The following STRN variants were observed in gnomAD, a reference collection of about 807,000 sequenced individuals.
STRN encodes striatin.
In STRN, 53 loss-of-function variants were observed where a neutral mutation model predicts 96.3. That is an observed-to-expected ratio of 0.55 (90% CI 0.44 to 0.69). STRN has a LOEUF of 0.69. Ranked by LOEUF, STRN falls within the 30% of genes least tolerant of loss-of-function variation. The probability of loss-of-function intolerance (pLI) is 0.00; values close to 1 mark genes in which losing one functional copy is unlikely to be tolerated. For synonymous variants in STRN, 428 were observed against 355.9 expected, an observed-to-expected ratio of 1.20 and a Z score of -2.28; for missense variants, 987 against 963.9, an observed-to-expected ratio of 1.02 and a Z score of -0.32.
chr2:36,875,220 T>C (rs1426455532), intron 10 of STRN, among the ~76,000 whole-genome samples: 2 of 152,144 alleles, frequency 1.3e-5, no homozygotes, highest in South Asian at 2.1e-4. Context: ...TAAAAAATAA[T>C]CTACCCCAGC....
chr2:36,917,051 AT>A (rs61674474), intron 2 of STRN, among the ~76,000 whole-genome samples: 12,098 of 145,446 alleles, frequency 0.083, 1,431 homozygotes, highest in African/African-American at 0.26. Flanking sequence ...CAATAAAAAA[AT>A]AAAAAATAAA....
chr2:36,907,739 C>G (rs1669861553), intron 3 of STRN, among the ~76,000 whole-genome samples: 1 of 152,090 alleles, frequency 6.6e-6, no homozygotes, highest in African/African-American at 2.4e-5. Context: ...ATTTCTGTTT[C>G]ACTCCAGAGC....
chr2:36,928,286 G>A (rs1335567473), intron 1 of STRN, among the ~76,000 whole-genome samples: 2 of 152,092 alleles, frequency 1.3e-5, no homozygotes, highest in South Asian at 2.1e-4. Flanking sequence ...GAGGAAGGGC[G>A]AGGGTGAGAG....
chr2:36,927,528 G>GA (rs1484621769), intron 1 of STRN, among the ~76,000 whole-genome samples: 1 of 145,996 alleles, frequency 6.8e-6, no homozygotes, highest in African/African-American at 2.5e-5. Context: ...AAAAAAAGGG[G>GA]GGGGGGGGTG....
At chr2:36,952,755 A>G (rs1192836418) in intron 1 of STRN, among the ~76,000 whole-genome samples, 2 of 152,212 alleles carry the variant, frequency 1.3e-5, no homozygotes, top group Non-Finnish European at 2.9e-5. Context: ...TACTAGGGCC[A>G]TGGATACCTT....
intron 9 of STRN, among the ~76,000 whole-genome samples, chr2:36,879,114 A>C (rs963699782): frequency 6.6e-6 from 1 of 151,768 alleles, no homozygotes; most frequent in East Asian, 1.9e-4. Flanking sequence ...TCTATGGCCC[A>C]GGCTGGAGTG....
chr2:36,880,999 GAACTTAAGACTATAGGTCACGT>G, intron 9 of STRN, among the ~76,000 whole-genome samples: 5 of 151,480 alleles, frequency 3.3e-5, no homozygotes, highest in Admixed American at 3.3e-4. Flanking sequence ...AGGAGCCTTA[GAACTTAAGACTATAGGTCACGT>G]TTCCATCTGG....
intron 1 of STRN, among the ~76,000 whole-genome samples, chr2:36,957,442 G>C (rs913840421): frequency 6.6e-6 from 1 of 152,002 alleles, no homozygotes; most frequent in African/African-American, 2.4e-5. Flanking sequence ...ACAAAAATTA[G>C]CCAGGCGTGG....
intron 5 of STRN, among the ~76,000 whole-genome samples, chr2:36,901,868 A>G (rs1423057437): frequency 6.6e-6 from 1 of 152,196 alleles, no homozygotes; most frequent in African/African-American, 2.4e-5. Context: ...TTCTTGCTAG[A>G]AAATTTATAG....
chr2:36,861,229 C>G lies in STRN; in HGVS notation c.1572G>C (p.Met524Ile). 1 of 1,613,936 alleles carries G rather than the reference C, an allele frequency of 6.2e-7. No homozygotes were observed. Among genetic ancestry groups the G allele is most frequent in the Non-Finnish European group, 8.5e-7 (1 of 1,179,912 alleles). The change falls in exon 13 of 18, where the codon ATG becomes ATC. Residue 524 changes from methionine to isoleucine, a missense_variant. Physicochemically the swap from Met to Ile is conservative, Grantham distance 10 (BLOSUM62 1). Transcript: ENST00000263918. ...AHKGPVLCVV[M>I]SSNGEQCYSG... is the part of the protein sequence containing the mutation. ...TGTAACACTGCTCACCATTGCTGCT[C>G]ATTACCACACAAAGCACTGGACCTC... is the stretch of plus-strand genomic sequence containing the variant.
rs145534531 is a variant in STRN, at chr2:36,889,361, T to A, written c.932-2535A>T. Among the ~76,000 whole-genome samples, 30 of 152,234 alleles carry A rather than the reference T, an allele frequency of 2.0e-4. No individual in the cohort carries two copies. In the East Asian group the frequency reaches 4.4e-3, roughly 23 times the overall value. On this transcript the variant is annotated intron_variant, in intron 7 of 17. Coordinates refer to ENST00000263918, the MANE Select transcript of STRN (RefSeq NM_003162.4). ...TATATACTTAACTATAATCTATCAA[T>A]AGGAGAAACATTCTTTATTTTCCCA... is the stretch of plus-strand genomic sequence containing the variant.
At chr2:36,959,208 A>C (rs1664969510) in intron 1 of STRN, among the ~76,000 whole-genome samples, 1 of 152,204 alleles carries the variant, frequency 6.6e-6, no homozygotes, top group Non-Finnish European at 1.5e-5. Context: ...CCAATAAAAT[A>C]AGCTAGAAAG....
intron 13 of STRN, among the ~76,000 whole-genome samples, chr2:36,860,117 G>A (rs1668438549): frequency 6.6e-6 from 1 of 152,174 alleles, no homozygotes; most frequent in Non-Finnish European, 1.5e-5. Flanking sequence ...CTGAGGGGAT[G>A]GAAAGGGAGC....
At chr2:36,958,781 G>A (rs1282199080) in intron 1 of STRN, among the ~76,000 whole-genome samples, 1 of 152,074 alleles carries the variant, frequency 6.6e-6, no homozygotes, top group African/African-American at 2.4e-5. Flanking sequence ...CTAATGAGAA[G>A]CCAATCCACA....
Position 36,872,491 on chromosome 2 carries a change from C to T in STRN, c.1324-2762G>A, listed in dbSNP as rs189965852. On this transcript the variant is annotated intron_variant, in intron 10 of 17. Transcript: ENST00000263918. ...AAGACAGAATCACCCGGCTAAACTG[C>T]TTCTGTATTCCTGACCCACAGAAAC... Among the ~76,000 whole-genome samples, 588 of 152,310 alleles carry T rather than the reference C, an allele frequency of 3.9e-3. 10 individuals carry two copies. Among genetic ancestry groups the T allele is most frequent in the Admixed American group, 0.017 (267 of 15,302 alleles).
chr2:36,858,733 G>A (rs559198272), intron 13 of STRN, among the ~76,000 whole-genome samples: 31 of 152,334 alleles, frequency 2.0e-4, no homozygotes, highest in African/African-American at 7.5e-4. Flanking sequence ...ATGGTGTTAT[G>A]TCTTATATCC....
chr2:36,956,112 T>C (rs1664881119), intron 1 of STRN, among the ~76,000 whole-genome samples: 1 of 152,176 alleles, frequency 6.6e-6, no homozygotes, highest in Admixed American at 6.5e-5. Flanking sequence ...CAACCTGTAC[T>C]TACAGGACAA....
chr2:36,925,774 AAAAAT>A (rs1171689448), intron 1 of STRN, among the ~76,000 whole-genome samples: 1 of 152,214 alleles, frequency 6.6e-6, no homozygotes, highest in Non-Finnish European at 1.5e-5. Context: ...CTCCATATCA[AAAAAT>A]AAAATAAAAC....
intron 7 of STRN, among the ~76,000 whole-genome samples, chr2:36,893,434 T>G (rs1035067354): frequency 2.9e-5 from 1 of 34,168 alleles, no homozygotes; most frequent in Non-Finnish European, 2.0e-4. Flanking sequence ...ATATTTGATT[T>G]TTTAGAACAT....
Sources: gnomAD v4.1 joint callset for allele counts (sites outside exome capture counted in the v4.1 genomes callset) on GRCh38, gnomAD v4.1.1 for gene constraint, MANE v1.5 for transcripts, NCBI Gene and HGNC (gene_info 2026-07-23, HGNC 2026-07-21) for gene names.